Variants in ZNF334 observed in about 807,000 individuals in gnomAD.
ZNF334 encodes zinc finger protein 334.
In ZNF334, 14 loss-of-function variants were observed where a neutral mutation model predicts 12.4. That is an observed-to-expected ratio of 1.13 (90% confidence interval 0.74 to 1.76). The LOEUF is 1.76. Ranked by LOEUF, ZNF334 falls within the 40% of genes most tolerant of loss-of-function variation. ZNF334 has a pLI of 0.00. For synonymous variants in ZNF334, 273 were observed against 269.6 expected (o/e 1.01, Z -0.12); for missense variants, 797 against 804.5 (o/e 0.99, Z 0.11).
chr20:46,498,912 C>T (rs558436068), downstream of ZNF334, among the ~76,000 whole-genome samples: 59 of 152,058 alleles, frequency 3.9e-4, no homozygotes, highest in African/African-American at 1.4e-3. Flanking sequence ...CGGTGGCTCA[C>T]GCCTGTAATC....
the ZNF334 span, chr20:46,476,209 A>G: frequency 6.6e-6 from 1 of 152,216 alleles, no homozygotes; most frequent in Non-Finnish European, 1.5e-5. Flanking sequence ...TATTTTAGAA[A>G]TGGAGAAGAG....
chr20:46,502,028 T>A lies in ZNF334; in HGVS notation c.1311A>T (p.Gln437His). Residue 437 changes from glutamine (Q) to histidine (H), a missense_variant, in exon 5 of 5, where the codon CAA becomes CAT. By Grantham distance (24) the Gln-to-His change is conservative (BLOSUM62 0). Transcript: ENST00000692313. ...HTGEKPYECS[Q>H]CGKFLCTKSA... is the part of the protein sequence containing the mutation. ...ATTTCGTACATAAAAATTTTCCACATTGACTGCATTCATAGGGCTTCTCTC... is the reference window on the plus strand; with the variant it reads ...ATTTCGTACATAAAAATTTTCCACAATGACTGCATTCATAGGGCTTCTCTC... 1 of 1,614,160 alleles carries A rather than the reference T, an allele frequency of 6.2e-7. No individual in the cohort carries two copies.
chr20:46,469,173 T>C, the ZNF334 span, among the ~76,000 whole-genome samples: 1 of 152,196 alleles, frequency 6.6e-6, no homozygotes, highest in Non-Finnish European at 1.5e-5. Context: ...TAGACAACAC[T>C]ATACCTGTAA....
the ZNF334 span, chr20:46,492,964 T>A: frequency 6.6e-6 from 1 of 152,112 alleles, no homozygotes; most frequent in African/African-American, 2.4e-5. Context: ...GGTGCACACC[T>A]GTAATCCCAG....
rs1420722673 is a variant in ZNF334, at chr20:46,501,339, T to C, written c.2000A>G (p.His667Arg). The stretch of plus-strand genomic sequence containing the variant: ...CTGATGTAAAAGAAAGTTTGATTTG[T>C]GGCGAAATGTTTTCTCACATTTGTT... ...ECNKCEKTFR[H>R]KSNFLLHQKS... is the part of the protein sequence containing the mutation. The change falls in exon 5 of 5, where the codon CAC becomes CGC. Residue 667 changes from histidine (H) to arginine (R), a missense_variant. Transcript: ENST00000692313. 3 of 1,611,988 alleles carry C rather than the reference T, an allele frequency of 1.9e-6. No homozygotes were observed. The highest frequency in any genetic ancestry group is 2.5e-6 in the Non-Finnish European group (3 of 1,178,640).
chr20:46,486,705 G>A, the ZNF334 span, among the ~76,000 whole-genome samples: 1 of 144,800 alleles, frequency 6.9e-6, no homozygotes, highest in South Asian at 2.3e-4. Context: ...TGGGTCACAG[G>A]GCATATTATA....
chr20:46,504,172 T>A, intron 4 of ZNF334, 42 bp downstream of exon 4: 8 of 1,374,582 alleles, frequency 5.8e-6, no homozygotes, highest in Non-Finnish European at 8.1e-6. Flanking sequence ...CATGGAACTC[T>A]CATTTCCATT....
At chr20:46,464,525 G>A in the ZNF334 span, 3 of 460,074 alleles carry the variant, frequency 6.5e-6, no homozygotes, top group South Asian at 3.6e-5. Flanking sequence ...TGAGAGCTCC[G>A]TTTCCTTCTC....
At chr20:46,474,341 C>T in the ZNF334 span, among the ~76,000 whole-genome samples, 8 of 149,678 alleles carry the variant, frequency 5.3e-5, no homozygotes, top group Admixed American at 4.0e-4. Flanking sequence ...GACCATGCCA[C>T]TGCATTCCAG....
At position 46,502,847 on chromosome 20, in the gene ZNF334, T is replaced by C. The variant is rs781701499; in HGVS notation, c.492A>G (p.Gly164=). The change falls in exon 5 of 5, where the codon GGA becomes GGG. Residue 164 remains glycine (G), a synonymous_variant. Coordinates refer to ENST00000692313, the MANE Select transcript of ZNF334 (RefSeq NM_001353824.2). ...KSKENRKIPD[G]YSGFGKHEKS... ...TCTCATGCTTCCCAAATCCACTGTA[T>C]CCATCAGGAATCTTTCTGTTTTCTT... The C allele has an allele frequency of 1.9e-6, 3 of 1,613,896 alleles. No individual in the cohort carries two copies. The highest frequency in any genetic ancestry group is 3.3e-5 in the Admixed American group (2 of 59,996).
chr20:46,501,171 T>G lies in ZNF334; in HGVS notation c.*125A>C. Reference sequence around the variant, plus strand: ...TGATGTTACATTGAGGGTTGACTTATGGCAGAAAAATTTTCCATATTCATT... The same window carrying G: ...TGATGTTACATTGAGGGTTGACTTAGGGCAGAAAAATTTTCCATATTCATT... On this transcript the variant is annotated 3_prime_UTR_variant, in exon 5 of 5. Coordinates refer to ENST00000692313, the MANE Select transcript of ZNF334 (RefSeq NM_001353824.2). The G allele has an allele frequency of 8.0e-7, 1 of 1,254,720 alleles. No individual in the cohort carries two copies. The highest frequency in any genetic ancestry group is 1.1e-6 in the Non-Finnish European group (1 of 914,998). 77.7% of individuals were successfully genotyped at this position (1,254,720 alleles called of 1,614,324 possible).
downstream of ZNF334, among the ~76,000 whole-genome samples, chr20:46,498,361 A>G (rs2061059306): frequency 6.6e-6 from 1 of 152,236 alleles, no homozygotes; most frequent in African/African-American, 2.4e-5. Context: ...TGAGGAATCA[A>G]TGCCGGCTGC....
chr20:46,465,179 G>C, the ZNF334 span: 1 of 207,796 alleles, frequency 4.8e-6, no homozygotes, highest in Non-Finnish European at 9.6e-6. Context: ...CCAGGGATGG[G>C]GGTGGTGACT....
At chr20:46,482,086 G>A in the ZNF334 span, among the ~76,000 whole-genome samples, 1 of 152,300 alleles carries the variant, frequency 6.6e-6, no homozygotes, top group Non-Finnish European at 1.5e-5. Flanking sequence ...GCCAAGGAAT[G>A]CAGGTGGTTT....
the ZNF334 span, chr20:46,463,824 T>A: frequency 8.5e-6 from 3 of 352,026 alleles, no homozygotes; most frequent in Admixed American, 7.0e-5. Context: ...ACATGGGCAC[T>A]GTCACACCAC....
intron 2 of ZNF334, among the ~76,000 whole-genome samples, chr20:46,511,169 A>C (rs775194789): frequency 9.9e-5 from 15 of 151,752 alleles, no homozygotes; most frequent in Non-Finnish European, 2.1e-4. Context: ...AGGTGGGAGG[A>C]TCACTTGAAC....
At position 46,501,907 on chromosome 20, in the gene ZNF334, TAGTG is replaced by T. The variant is rs777184143; in HGVS notation, c.1428_1431del (p.Thr477TyrfsTer23). ...TCTCCTGTGTGTGTTCTCTGATGTA[TAGTG>T]AGTGTTGACTTATGGCAGAAAAATT... On this transcript the variant is annotated frameshift_variant, in exon 5 of 5. Transcript: ENST00000692313. LOFTEE classifies it low-confidence loss of function (END_TRUNC). 2 of 1,613,774 alleles carry T rather than the reference TAGTG, an allele frequency of 1.2e-6. No individual in the cohort carries two copies. Among genetic ancestry groups the T allele is most frequent in the Admixed American group, 1.7e-5 (1 of 59,986 alleles).
At chr20:46,508,503 G>A (rs1369464220) in intron 2 of ZNF334, among the ~76,000 whole-genome samples, 1 of 152,208 alleles carries the variant, frequency 6.6e-6, no homozygotes, top group Non-Finnish European at 1.5e-5. Context: ...GAAAGTCAAG[G>A]AGCAAACAGT....
In ZNF334 at chr20:46,501,594, CAGA is replaced by C. The variant is rs774494095; in HGVS notation, c.1742_1744del (p.Phe581del). ...ATGTTCAACAAAGGAGAACTTCTGACAGAAGGTTTTCCCACATTCATTACACTC... is the reference window on the plus strand; with the variant it reads ...ATGTTCAACAAAGGAGAACTTCTGACAGGTTTTCCCACATTCATTACACTC... On this transcript the variant is annotated inframe_deletion, in exon 5 of 5. Coordinates refer to ENST00000692313, the MANE Select transcript of ZNF334 (RefSeq NM_001353824.2). 235 of 1,614,016 alleles carry C rather than the reference CAGA, an allele frequency of 1.5e-4. No homozygotes were observed. The highest frequency in any genetic ancestry group is 3.3e-4 in the Admixed American group (20 of 60,004).
Sources: gnomAD v4.1 joint callset for allele counts (sites outside exome capture counted in the v4.1 genomes callset) on GRCh38, gnomAD v4.1.1 for gene constraint, MANE v1.5 for transcripts, NCBI Gene and HGNC (gene_info 2026-07-23, HGNC 2026-07-21) for gene names.